The following CACNA1B variants were observed in gnomAD, a reference collection of about 807,000 sequenced individuals.
CACNA1B encodes calcium voltage-gated channel subunit alpha1 B, also known as voltage-dependent N-type calcium channel subunit alpha-1B.
In CACNA1B, 70 loss-of-function variants were observed where a neutral mutation model predicts 247.2. The ratio of observed to expected loss-of-function variants is 0.28; its 90% CI spans 0.23 to 0.35. The LOEUF is 0.35. Among genes scored for constraint, CACNA1B ranks in the 10% least tolerant of loss-of-function variants. The pLI is 1.00. For synonymous variants in CACNA1B, 1,231 were observed against 1,294.4 expected, an observed-to-expected ratio of 0.95 and a Z score of 1.05; for missense variants, 2,367 against 3,197.4, an observed-to-expected ratio of 0.74 and a Z score of 6.26.
At position 137,973,323 on chromosome 9, in the gene CACNA1B, G is replaced by A. The variant is rs1958178922; in HGVS notation, c.1543+1731G>A. Reference sequence around the variant, plus strand: ...TGACAGCCGGGCTGGGCCTGAGGGAGGCTTGCTCAGTAGGTAGGACAGGCT... The same window carrying A: ...TGACAGCCGGGCTGGGCCTGAGGGAAGCTTGCTCAGTAGGTAGGACAGGCT... On this transcript the variant is annotated intron_variant, in intron 11 of 46. Transcript: ENST00000371372. This position sits in a 1 kb window ranked among gnomAD's most constrained non-coding sequence, Gnocchi z 4.1. Among the ~76,000 whole-genome samples the A allele has an allele frequency of 6.6e-6, 1 of 152,212 alleles. No homozygotes were observed. The highest frequency in any genetic ancestry group is 2.4e-5 in the African/African-American group (1 of 41,454).
At position 138,118,709 on chromosome 9, in the gene CACNA1B, C is replaced by T; in HGVS notation, c.5971C>T (p.Pro1991Ser). 6.4e-7 allele frequency: 1 copy of T among 1,566,250 alleles called. No individual in the cohort carries two copies. The highest frequency in any genetic ancestry group is 8.6e-7 in the Non-Finnish European group (1 of 1,156,142). Reference protein sequence around the residue: ...TRRGPDGEPQPGLESQGRAAS... With the variant: ...TRRGPDGEPQSGLESQGRAAS... ...GAGGGGCCCTGATGGGGAGCCCCAG[C>T]CTGGGCTGGAGAGCCAGGGTCGAGC... The change falls in exon 44 of 47, where the codon CCT (proline) becomes TCT (serine). Residue 1991 changes from proline to serine, a missense_variant. This residue lies in a region of CACNA1B where 773 missense variants were observed against 779.4 expected (regional missense o/e 0.99). Transcript: ENST00000371372.
intron 20 of CACNA1B, among the ~76,000 whole-genome samples, chr9:138,031,434 A>C (rs1958986926): frequency 1.3e-5 from 2 of 152,094 alleles, no homozygotes; most frequent in Admixed American, 1.3e-4. Flanking sequence ...AGGATGTGGG[A>C]TATCTTGATG....
intron 6 of CACNA1B, among the ~76,000 whole-genome samples, chr9:137,946,721 A>C (rs987038259): frequency 1.3e-5 from 2 of 152,216 alleles, no homozygotes; most frequent in Non-Finnish European, 2.9e-5. Context: ...AGAGACCTGC[A>C]GTTGCCTCCA....
rs1372966329 is a variant in CACNA1B at position 137,931,602 on chromosome 9, A to G, written c.966+14171A>G. Among the ~76,000 whole-genome samples, 6 of 151,636 alleles carry G rather than the reference A, an allele frequency of 4.0e-5. No individual in the cohort carries two copies. The South Asian group carries it at 6.3e-4, about 16-fold the overall frequency. ...TCCCCATCATCTTTATAGGAGGCCG[A>G]GGGACTGATGGTTTTTTCTTCAGTA... is the stretch of plus-strand genomic sequence containing the variant. On this transcript the variant is annotated intron_variant, in intron 6 of 46. Transcript: ENST00000371372.
intron 6 of CACNA1B, among the ~76,000 whole-genome samples, chr9:137,949,147 GCA>G (rs2133332557): frequency 1.5e-3 from 1 of 678 alleles, no homozygotes; most frequent in Middle Eastern, 0.25. Context: ...GTGTATCTGT[GCA>G]TGTGTGTGGT....
chr9:138,055,295 A>G (rs1222240150), intron 26 of CACNA1B, among the ~76,000 whole-genome samples: 2 of 151,738 alleles, frequency 1.3e-5, no homozygotes, highest in Non-Finnish European at 2.9e-5. Flanking sequence ...ATGCTTGGCT[A>G]ATTTTTAAAA....
At chr9:137,925,826 T>C (rs1321647978) in intron 6 of CACNA1B, among the ~76,000 whole-genome samples, 1 of 147,686 alleles carries the variant, frequency 6.8e-6, no homozygotes, top group Non-Finnish European at 1.5e-5. Flanking sequence ...CACTGCAAGC[T>C]CCCCCTCCCA....
chr9:138,059,856 T>A lies in CACNA1B; in HGVS notation c.4668+119T>A, dbSNP rs73573950. On this transcript the variant is annotated intron_variant, in intron 31 of 46. Transcript: ENST00000371372. This position sits in a 1 kb window ranked among gnomAD's most constrained non-coding sequence, Gnocchi z 4.2. ...TCTTCCTGGGTTCCGCAGAACCCCC[T>A]GGACATGTGGAGGCTTCGCTCCAGG... The A allele has an allele frequency of 9.9e-4, 671 of 679,492 alleles. 4 individuals carry two copies. In the African/African-American group the frequency reaches 0.011, roughly 11 times the overall value. The allele number at this position is 679,492 out of a possible 1,614,324, so 42.1% of individuals were successfully genotyped here.
intron 6 of CACNA1B, among the ~76,000 whole-genome samples, chr9:137,931,866 A>C (rs557023695): frequency 8.5e-5 from 13 of 152,282 alleles, no homozygotes; most frequent in Admixed American, 2.0e-4. Context: ...AAATATAGTC[A>C]TTAGTGATGG....
At chr9:137,929,480 A>G (rs913545505) in intron 6 of CACNA1B, among the ~76,000 whole-genome samples, 2 of 152,028 alleles carry the variant, frequency 1.3e-5, no homozygotes, top group African/African-American at 2.4e-5. Flanking sequence ...ACTTGAGCCC[A>G]GGAGCTGGAG....
At chr9:137,992,825 A>G (rs1018698891) in intron 15 of CACNA1B, among the ~76,000 whole-genome samples, 1 of 151,906 alleles carries the variant, frequency 6.6e-6, no homozygotes, top group Non-Finnish European at 1.5e-5. Flanking sequence ...TCTATATTAT[A>G]TCAAGTACTC....
At position 138,073,570 on chromosome 9, in the gene CACNA1B, G is replaced by C. The variant is rs770852764; in HGVS notation, c.4757G>C (p.Arg1586Pro). ...IKLLRQGYTI[R>P]ILLWTFVQSF... The stretch of plus-strand genomic sequence containing the variant: ...CTGCTCCGCCAGGGCTACACCATCC[G>C]CATCCTGCTGTGGACCTTTGTCCAG... Residue 1586 changes from arginine to proline, a missense_variant, in exon 33 of 47, where the codon CGC (arginine) becomes CCC (proline). Arg to Pro is a moderately radical substitution (Grantham distance 103, BLOSUM62 -2). This residue lies in a region of CACNA1B where 436 missense variants were observed against 679.5 expected (regional missense o/e 0.64). Transcript: ENST00000371372. This position sits in a 1 kb window ranked among gnomAD's most constrained non-coding sequence, Gnocchi z 6.4. 4 of 1,611,448 alleles carry C rather than the reference G, an allele frequency of 2.5e-6. No homozygotes were observed.
In CACNA1B at chr9:137,986,494, C is replaced by T. The variant is rs1442216247; in HGVS notation, c.1851C>T (p.Phe617=). 1 of 1,613,918 alleles carries T rather than the reference C, an allele frequency of 6.2e-7. No individual in the cohort carries two copies. Among genetic ancestry groups the T allele is most frequent in the Non-Finnish European group, 8.5e-7 (1 of 1,179,842 alleles). ...KSIISLLFLL[F]LFIVVFALLG... is the part of the protein sequence containing the mutation. ...TCATCAGCCTGCTCTTCTTGCTCTT[C>T]CTGTTCATTGTGGTCTTCGCCCTGC... Residue 617 remains phenylalanine, a synonymous_variant, in exon 14 of 47, where the codon TTC becomes TTT. Coordinates refer to ENST00000371372, the MANE Select transcript of CACNA1B (RefSeq NM_000718.4). This position sits in a 1 kb window ranked among gnomAD's most constrained non-coding sequence, Gnocchi z 6.0.
Position 137,880,616 on chromosome 9 carries a change from G to A in CACNA1B, c.390+1457G>A, listed in dbSNP as rs1956904691. Among the ~76,000 whole-genome samples the A allele has an allele frequency of 6.6e-6, 1 of 152,170 alleles. No homozygotes were observed. The highest frequency in any genetic ancestry group is 1.5e-5 in the Non-Finnish European group (1 of 68,026). ...CAGGTGTGGGAGGGTTTACTTTGTG[G>A]TCATAGGTTGGGGAGGACACTTCTA... On this transcript the variant is annotated intron_variant, in intron 2 of 46. Transcript: ENST00000371372. The surrounding 1 kb of genome is among the most constrained non-coding windows in gnomAD (Gnocchi z 4.8).
Position 138,034,449 on chromosome 9 carries a change from G to GTT in CACNA1B, c.3286+9292_3286+9293dup, listed in dbSNP as rs566090688. Reference sequence around the variant, plus strand: ...TGGTATAAGTGGAAGTAGGGTCATAGTTTTTTTTTTTTTTTTGGCTTGTGT... The same window carrying GTT: ...TGGTATAAGTGGAAGTAGGGTCATAGTTTTTTTTTTTTTTTTTTGGCTTGTGT... On this transcript the variant is annotated intron_variant, in intron 20 of 46. Transcript: ENST00000371372. Among the ~76,000 whole-genome samples, 206 of 135,170 alleles carry GTT rather than the reference G, an allele frequency of 1.5e-3. 1 individual carries two copies. Among genetic ancestry groups the GTT allele is most frequent in the African/African-American group, 4.8e-3 (176 of 36,838 alleles). 88.7% of individuals were successfully genotyped at this position (135,170 alleles called of 152,430 possible). A position where few individuals can be genotyped will look rare whatever the true frequency, so the allele number is the denominator to read the frequency against.
chr9:137,966,881 G>A lies in CACNA1B; in HGVS notation c.1334-4502G>A, dbSNP rs868804160. On this transcript the variant is annotated intron_variant, in intron 10 of 46. Transcript: ENST00000371372. ...TTATGTATTTAAGAGACAGAGTTAC[G>A]TTGCCCAGGATGATCCTCCTGTCTC... Among the ~76,000 whole-genome samples the A allele has an allele frequency of 4.6e-5, 7 of 151,576 alleles. No homozygotes were observed. In the South Asian group the frequency reaches 1.0e-3, roughly 23 times the overall value.
chr9:138,029,889 G>A (rs141450518), intron 20 of CACNA1B, among the ~76,000 whole-genome samples: 6,096 of 152,126 alleles, frequency 0.04, 387 homozygotes, highest in African/African-American at 0.14. Flanking sequence ...TGTTGGGATT[G>A]CAGGTGTGAG....
intron 20 of CACNA1B, 73 bp from the exon 21 acceptor site, chr9:138,043,701 G>T (rs1269128925): frequency 1.3e-6 from 2 of 1,574,352 alleles, no homozygotes; most frequent in Non-Finnish European, 1.7e-6. Context: ...GGGCATGGGA[G>T]CTGGGAGGGA....
In CACNA1B at chr9:138,057,965, A is replaced by G; in HGVS notation, c.4107-84A>G. The G allele has an allele frequency of 6.4e-7, 1 of 1,565,694 alleles. No homozygotes were observed. The highest frequency in any genetic ancestry group is 1.7e-5 in the Admixed American group (1 of 58,568). On this transcript the variant is annotated intron_variant, in intron 27 of 46. Transcript: ENST00000371372. This position sits in a 1 kb window ranked among gnomAD's most constrained non-coding sequence, Gnocchi z 4.0. ...TCCCTGGGCTCAGGCATGGAAGCAGACCCACCCTTGTGGTGCAGGTCTTGA... is the reference window on the plus strand; with the variant it reads ...TCCCTGGGCTCAGGCATGGAAGCAGGCCCACCCTTGTGGTGCAGGTCTTGA...
Sources: allele counts gnomAD v4.1 joint callset (sites outside exome capture counted in the v4.1 genomes callset), GRCh38; gene constraint gnomAD v4.1.1; regional missense constraint gnomAD v4.1.1; non-coding constraint Gnocchi (gnomAD v3.1); transcripts MANE v1.5; gene names NCBI Gene and HGNC (gene_info 2026-07-23, HGNC 2026-07-21).